The following ZFHX3 variants were observed in gnomAD, a reference collection of about 807,000 sequenced individuals.
ZFHX3 encodes zinc finger homeobox 3.
In ZFHX3, 42 loss-of-function variants were observed where a neutral mutation model predicts 279.1. The observed-to-expected ratio is 0.15, with a 90% CI of 0.12 to 0.19. ZFHX3 has a LOEUF of 0.19. Among genes scored for constraint, ZFHX3 ranks in the 10% least tolerant of loss-of-function variants. The probability of loss-of-function intolerance (pLI) is 1.00; values close to 1 mark genes in which losing one functional copy is unlikely to be tolerated. For synonymous variants in ZFHX3, 2,293 were observed against 1,957.8 expected (o/e 1.17, Z -4.52); for missense variants, 4,981 against 4,754.0 (o/e 1.05, Z -1.40).
chr16:72,862,692 C>G (rs1418846814), intron 4 of ZFHX3, among the ~76,000 whole-genome samples: 1 of 152,138 alleles, frequency 6.6e-6, no homozygotes, highest in African/African-American at 2.4e-5. Flanking sequence ...CTAGATTTAA[C>G]TATCAGTTCA....
At chr16:73,261,036 G>C (rs2013809895) in intron 4 of ZFHX3, among the ~76,000 whole-genome samples, 1 of 152,168 alleles carries the variant, frequency 6.6e-6, no homozygotes, top group Non-Finnish European at 1.5e-5. Context: ...TCTTGCAGCA[G>C]ATATGCCCAC....
intron 1 of ZFHX3, among the ~76,000 whole-genome samples, chr16:72,982,857 G>C (rs1962670301): frequency 6.6e-6 from 1 of 152,138 alleles, no homozygotes; most frequent in Non-Finnish European, 1.5e-5. Flanking sequence ...GGCTCAAAAG[G>C]CTATTTGTAA....
chr16:73,740,215 A>C (rs2053643467), intron 1 of ZFHX3, among the ~76,000 whole-genome samples: 1 of 152,128 alleles, frequency 6.6e-6, no homozygotes, highest in Non-Finnish European at 1.5e-5. Context: ...AAGAAAATCA[A>C]GTTATGGTAG....
At chr16:73,293,255 A>C (rs2014819867) in intron 4 of ZFHX3, among the ~76,000 whole-genome samples, 1 of 152,162 alleles carries the variant, frequency 6.6e-6, no homozygotes, top group Non-Finnish European at 1.5e-5. Flanking sequence ...ACAGCTGGTA[A>C]AAGTTTGGGA....
chr16:73,146,581 C>A (rs1002822587), intron 5 of ZFHX3, among the ~76,000 whole-genome samples: 20 of 152,140 alleles, frequency 1.3e-4, no homozygotes, highest in African/African-American at 4.8e-4. Flanking sequence ...TTATTCTCCT[C>A]TTGAGTTATG....
At chr16:72,893,679 T>C (rs1350217047) in intron 3 of ZFHX3, among the ~76,000 whole-genome samples, 1 of 152,194 alleles carries the variant, frequency 6.6e-6, no homozygotes. Context: ...AAACTGGGCA[T>C]GCATTACAAA....
chr16:72,955,647 G>A (rs1961217301), intron 2 of ZFHX3, among the ~76,000 whole-genome samples: 2 of 151,934 alleles, frequency 1.3e-5, no homozygotes, highest in South Asian at 2.1e-4. Flanking sequence ...GCATGGTGGC[G>A]GGTGCCTGTA....
chr16:73,290,050 CAT>C (rs1184872852), intron 4 of ZFHX3, among the ~76,000 whole-genome samples: 5 of 90,134 alleles, frequency 5.5e-5, no homozygotes, highest in Non-Finnish European at 1.4e-4. Flanking sequence ...CACACACACA[CAT>C]ATAGACATTT....
chr16:73,573,302 G>A (rs2051761145), intron 2 of ZFHX3, among the ~76,000 whole-genome samples: 1 of 152,158 alleles, frequency 6.6e-6, no homozygotes, highest in African/African-American at 2.4e-5. Flanking sequence ...AATGTGAAGG[G>A]ATGGCAAGTT....
chr16:73,759,331 CA>C (rs1452664737), intron 1 of ZFHX3, among the ~76,000 whole-genome samples: 1 of 152,160 alleles, frequency 6.6e-6, no homozygotes, highest in Admixed American at 6.5e-5. Flanking sequence ...GGGAATAAAG[CA>C]AAGGAGGGAC....
chr16:73,594,983 C>G (rs1157266909), intron 2 of ZFHX3, among the ~76,000 whole-genome samples: 2 of 152,112 alleles, frequency 1.3e-5, no homozygotes, highest in East Asian at 1.9e-4. Flanking sequence ...TTGTCAATAT[C>G]CTGGAGAAGT....
chr16:73,569,160 A>G (rs1438528863), intron 2 of ZFHX3, among the ~76,000 whole-genome samples: 1 of 152,170 alleles, frequency 6.6e-6, no homozygotes, highest in Admixed American at 6.5e-5. Context: ...GCTGACTTAT[A>G]AGAAAGGAGA....
intron 5 of ZFHX3, among the ~76,000 whole-genome samples, chr16:73,231,636 G>C (rs897044674): frequency 1.3e-5 from 2 of 152,216 alleles, no homozygotes; most frequent in African/African-American, 4.8e-5. Context: ...ACACAGGTTA[G>C]ATCCTGGTGG....
intron 2 of ZFHX3, among the ~76,000 whole-genome samples, chr16:73,469,591 C>A (rs1469429424): frequency 6.6e-6 from 1 of 151,856 alleles, no homozygotes; most frequent in Admixed American, 6.6e-5. Flanking sequence ...TTAAAAACAT[C>A]CTGGTACCTA....
At chr16:73,243,308 T>C (rs78461931) in intron 5 of ZFHX3, among the ~76,000 whole-genome samples, 3,040 of 152,322 alleles carry the variant, frequency 0.02, 113 homozygotes, top group African/African-American at 0.07. Flanking sequence ...TATTTCTTAG[T>C]GGGTATTGGA....
chr16:73,004,215 G>A (rs1204050258), intron 1 of ZFHX3, among the ~76,000 whole-genome samples: 1 of 120,896 alleles, frequency 8.3e-6, no homozygotes, highest in Non-Finnish European at 1.6e-5. Flanking sequence ...ATGTTGCCCA[G>A]GCTGGTCTCA....
intron 1 of ZFHX3, among the ~76,000 whole-genome samples, chr16:73,693,074 G>A (rs1360231099): frequency 6.6e-6 from 1 of 152,116 alleles, no homozygotes; most frequent in Admixed American, 6.5e-5. Context: ...GGACACCACA[G>A]GTCTCTAAAA....
chr16:73,092,033 A>G (rs1367175003), intron 8 of ZFHX3, among the ~76,000 whole-genome samples: 1 of 152,240 alleles, frequency 6.6e-6, no homozygotes, highest in Non-Finnish European at 1.5e-5. Context: ...AGTGTCTTGC[A>G]ATCACAGAAT....
intron 5 of ZFHX3, among the ~76,000 whole-genome samples, chr16:73,223,739 G>C (rs890262204): frequency 2.0e-5 from 3 of 152,132 alleles, no homozygotes; most frequent in Non-Finnish European, 4.4e-5. Flanking sequence ...TGTCTACTCA[G>C]AAACCTGCAC....
Sources: gnomAD v4.1 joint callset for allele counts (sites outside exome capture counted in the v4.1 genomes callset) on GRCh38, gnomAD v4.1.1 for gene constraint, MANE v1.5 for transcripts, NCBI Gene and HGNC (gene_info 2026-07-23, HGNC 2026-07-21) for gene names.